ENTPD3: variants seen among roughly 807,000 people sequenced by gnomAD.
The protein encoded by ENTPD3 is ectonucleoside triphosphate diphosphohydrolase 3.
A neutral mutation model predicts 51.2 loss-of-function variants in ENTPD3; 60 were observed. That is an observed-to-expected ratio of 1.17 (90% CI 0.95 to 1.45). The LOEUF (loss-of-function observed/expected upper bound fraction) is 1.45. Ranked by LOEUF, ENTPD3 falls within the 40% of genes most tolerant of loss-of-function variation. ENTPD3 has a pLI of 0.00. For synonymous variants in ENTPD3, 221 were observed against 238.4 expected, an observed-to-expected ratio of 0.93 and a Z score of 0.67; for missense variants, 593 against 641.1, an observed-to-expected ratio of 0.93 and a Z score of 0.81.
chr3:40,399,977 T>A (rs1481247082), intron 3 of ENTPD3, among the ~76,000 whole-genome samples: 1 of 152,128 alleles, frequency 6.6e-6, no homozygotes, highest in East Asian at 1.9e-4. Flanking sequence ...GGTATTAACA[T>A]GCCTCAGCCG....
intron 3 of ENTPD3, among the ~76,000 whole-genome samples, chr3:40,398,420 A>G (rs1955260986): frequency 6.6e-6 from 1 of 152,146 alleles, no homozygotes; most frequent in African/African-American, 2.4e-5. Context: ...GGTCAGGAGC[A>G]GGGGGGAGGA....
intron 10 of ENTPD3, 106 bp from the exon 11 acceptor site, chr3:40,427,166 C>A: frequency 1.0e-6 from 1 of 952,484 alleles, no homozygotes; most frequent in Non-Finnish European, 1.6e-6. Context: ...CTTTGGGCCA[C>A]AATTTCCCAT....
At chr3:40,390,144 C>T (rs1024620767) in intron 2 of ENTPD3, among the ~76,000 whole-genome samples, 2 of 152,114 alleles carry the variant, frequency 1.3e-5, no homozygotes, top group African/African-American at 4.8e-5. Flanking sequence ...TATTAGTGTT[C>T]ATCATATTTC....
chr3:40,397,119 C>CTTTTTCTTT (rs1955222153), intron 3 of ENTPD3, among the ~76,000 whole-genome samples: 1 of 101,244 alleles, frequency 9.9e-6, no homozygotes, highest in Non-Finnish European at 1.8e-5. Flanking sequence ...TAATTAGTTT[C>CTTTTTCTTT]TTTTTTTTTT....
intron 3 of ENTPD3, among the ~76,000 whole-genome samples, chr3:40,395,435 A>G (rs1230710841): frequency 2.0e-5 from 3 of 152,230 alleles, no homozygotes; most frequent in Non-Finnish European, 4.4e-5. Flanking sequence ...AGTCAAAGAC[A>G]TACGTGCAAG....
intron 7 of ENTPD3, among the ~76,000 whole-genome samples, chr3:40,420,557 A>G (rs1955846572): frequency 6.6e-6 from 1 of 151,852 alleles, no homozygotes; most frequent in African/African-American, 2.4e-5. Context: ...CTTTCAACCA[A>G]TATTTCAGCC....
At chr3:40,391,661 G>C (rs1440481544) in intron 2 of ENTPD3, 1 of 257,986 alleles carries the variant, frequency 3.9e-6, no homozygotes, top group East Asian at 1.3e-4. Context: ...GGGCGATAGA[G>C]TGAGACTCCA....
chr3:40,417,505 G>C (rs928532958), intron 7 of ENTPD3, among the ~76,000 whole-genome samples: 1 of 151,898 alleles, frequency 6.6e-6, no homozygotes, highest in Admixed American at 6.6e-5. Flanking sequence ...AACAGCAAGG[G>C]GGAAATCCAC....
At position 40,417,150 on chromosome 3, in the gene ENTPD3, T is replaced by C. The variant is rs143840322; in HGVS notation, c.831+1077T>C. Among the ~76,000 whole-genome samples, 168 of 152,200 alleles carry C rather than the reference T, an allele frequency of 1.1e-3. 1 individual carries two copies. Among genetic ancestry groups the C allele is most frequent in the African/African-American group, 3.2e-3 (133 of 41,534 alleles). ...CAGGACACATGCATGGGACATTTAT[T>C]GTCAGGAGAGTCTGAGCACTGCCTG... On this transcript the variant is annotated intron_variant, in intron 7 of 10. Transcript: ENST00000301825.
In ENTPD3 at chr3:40,401,046, G is replaced by A. The variant is rs769388780; in HGVS notation, c.286+35G>A. 6.7e-6 allele frequency: 10 copies of A among 1,500,070 alleles called. No individual in the cohort carries two copies. The East Asian group carries it at 1.8e-4, about 27-fold the overall frequency. 92.9% of individuals were successfully genotyped at this position (1,500,070 alleles called of 1,614,324 possible). A position where few individuals can be genotyped will look rare whatever the true frequency, so the allele number is the denominator to read the frequency against. ...GAAGTGTGTCTGGGAGTCACAATGG[G>A]CAGCAAGGTAGAGTTCTAAGTGTTT... On this transcript the variant is annotated intron_variant, in intron 4 of 10. Transcript: ENST00000301825.
In ENTPD3 at chr3:40,392,041, G is replaced by A. The variant is rs748337765; in HGVS notation, c.59G>A (p.Arg20Gln). 2.7e-5 allele frequency: 43 copies of A among 1,613,998 alleles called. 2 individuals are homozygous for A. In the South Asian group the frequency reaches 3.1e-4, roughly 12 times the overall value. Residue 20 changes from arginine (R) to glutamine (Q), a missense_variant, in exon 3 of 11, where the codon CGA becomes CAA. Coordinates refer to ENST00000301825, the MANE Select transcript of ENTPD3 (RefSeq NM_001248.4). Reference protein sequence around the residue: ...CEQAGLKALYRTPTIIALVVL... With the variant: ...CEQAGLKALYQTPTIIALVVL... ...ATTTTAGGCCTCAAGGCCCTCTACC[G>A]AACTCCAACCATCATTGCCTTGGTG...
intron 4 of ENTPD3, among the ~76,000 whole-genome samples, chr3:40,408,904 C>T (rs898230840): frequency 2.0e-5 from 3 of 150,086 alleles, no homozygotes; most frequent in Admixed American, 6.6e-5. Context: ...CATCCATAAT[C>T]CTTCCCACCA....
chr3:40,412,519 G>A (rs1319230455), intron 5 of ENTPD3, among the ~76,000 whole-genome samples: 2 of 152,058 alleles, frequency 1.3e-5, no homozygotes, highest in African/African-American at 4.8e-5. Context: ...GTTTTTGAAT[G>A]TCTTTTCTCT....
chr3:40,415,480 T>C (rs1462230915), intron 6 of ENTPD3, among the ~76,000 whole-genome samples: 1 of 152,180 alleles, frequency 6.6e-6, no homozygotes, highest in Non-Finnish European at 1.5e-5. Context: ...TCCATACTTC[T>C]AGCTTCTTCT....
chr3:40,423,715 T>C lies in ENTPD3; in HGVS notation c.1216-111T>C. The stretch of plus-strand genomic sequence containing the variant: ...TATGATTGTATTATAAAGTATTTTC[T>C]ATTATGAAATTATGGGTGATAAGAT... On this transcript the variant is annotated intron_variant, in intron 9 of 10. Coordinates refer to ENST00000301825, the MANE Select transcript of ENTPD3 (RefSeq NM_001248.4). The C allele has an allele frequency of 2.4e-6, 3 of 1,240,794 alleles. 1 individual carries two copies. In the South Asian group the frequency reaches 4.4e-5, roughly 18 times the overall value. The allele number at this position is 1,240,794 out of a possible 1,614,324, so 76.9% of individuals were successfully genotyped here. A position where few individuals can be genotyped will look rare whatever the true frequency, so the allele number is the denominator to read the frequency against.
chr3:40,427,159 T>C (rs1956001070), intron 10 of ENTPD3, 113 bp from the exon 11 acceptor site: 5 of 878,938 alleles, frequency 5.7e-6, no homozygotes, highest in Admixed American at 3.9e-5. Context: ...TTGACCTCTT[T>C]GGGCCACAAT....
chr3:40,424,244 C>A, intron 10 of ENTPD3: 2 of 790,566 alleles, frequency 2.5e-6, no homozygotes, highest in Non-Finnish European at 3.1e-6. Flanking sequence ...ATATTCCCAG[C>A]ACTCTGCACA....
At chr3:40,423,429 G>T (rs906201228) in intron 9 of ENTPD3, 28 bp downstream of exon 9, 2 of 1,447,874 alleles carry the variant, frequency 1.4e-6, no homozygotes. Flanking sequence ...AGGGATCAAT[G>T]TCAGTACAAA....
chr3:40,418,926 G>A (rs974222627), intron 7 of ENTPD3, among the ~76,000 whole-genome samples: 3 of 151,936 alleles, frequency 2.0e-5, no homozygotes, highest in Admixed American at 1.3e-4. Flanking sequence ...TTGACCATTC[G>A]ATTATGAAAG....
Sources: gnomAD v4.1 joint callset for allele counts (sites outside exome capture counted in the v4.1 genomes callset) on GRCh38, gnomAD v4.1.1 for gene constraint, MANE v1.5 for transcripts, NCBI Gene and HGNC (gene_info 2026-07-23, HGNC 2026-07-21) for gene names.